GARRE1: variants seen among roughly 807,000 people sequenced by gnomAD.
GARRE1 encodes the protein granule associated Rac and RHOG effector 1.
In GARRE1, 49 loss-of-function variants were observed where a neutral mutation model predicts 103.2. The ratio of observed to expected loss-of-function variants is 0.47; its 90% CI spans 0.38 to 0.60. The LOEUF is 0.60. Among genes scored for constraint, GARRE1 ranks in the 20% least tolerant of loss-of-function variants. The pLI, the probability that GARRE1 is intolerant of heterozygous loss-of-function variation, is 0.00. For missense variants in GARRE1, 1,199 were observed against 1,370.5 expected, an observed-to-expected ratio of 0.87 and a Z score of 1.98; for synonymous variants, 505 against 532.8, an observed-to-expected ratio of 0.95 and a Z score of 0.72.
In GARRE1 at chr19:34,352,742, A is replaced by G. The variant is rs1308157064; in HGVS notation, c.3000A>G (p.Ala1000=). The G allele has an allele frequency of 6.2e-7, 1 of 1,613,984 alleles. No individual in the cohort carries two copies. The highest frequency in any genetic ancestry group is 1.3e-5 in the African/African-American group (1 of 74,912). Residue 1000 remains alanine, a synonymous_variant, in exon 14 of 14, where the codon GCA becomes GCG. Transcript: ENST00000299505. ...CCAGCCCCAGCGCACCACTCTATGC[A>G]GTCACCAGCCCTGGCAGCCAGTGGA... The part of the protein sequence containing the change: ...TLPSPSAPLY[A]VTSPGSQWND...
At chr19:34,314,952 A>C (rs1404606962) in intron 2 of GARRE1, among the ~76,000 whole-genome samples, 1 of 152,230 alleles carries the variant, frequency 6.6e-6, no homozygotes, top group Non-Finnish European at 1.5e-5. Flanking sequence ...AGAACAAAAG[A>C]TACCTCATTA....
chr19:34,268,560 T>G (rs547209603), intron 1 of GARRE1, among the ~76,000 whole-genome samples: 11 of 152,330 alleles, frequency 7.2e-5, no homozygotes, highest in African/African-American at 2.2e-4. Context: ...AGAGTACAGT[T>G]AAGTCCATTT....
chr19:34,287,130 C>T (rs1417562661), intron 1 of GARRE1, among the ~76,000 whole-genome samples: 1 of 116,684 alleles, frequency 8.6e-6, no homozygotes, highest in Non-Finnish European at 1.9e-5. Context: ...CAGAGCAAGA[C>T]TGTCTCAAAA....
chr19:34,313,156 T>G (rs940436676), intron 2 of GARRE1, among the ~76,000 whole-genome samples: 4 of 152,160 alleles, frequency 2.6e-5, no homozygotes, highest in Non-Finnish European at 5.9e-5. Context: ...AATCTGGAGT[T>G]GAGGGTTGAG....
At chr19:34,339,407 C>T (rs1038280082) in intron 8 of GARRE1, among the ~76,000 whole-genome samples, 12 of 152,174 alleles carry the variant, frequency 7.9e-5, no homozygotes, top group African/African-American at 2.9e-4. Flanking sequence ...AGGTGCATAG[C>T]GTGAAGTGTT....
intron 3 of GARRE1, among the ~76,000 whole-genome samples, chr19:34,322,922 AAC>A (rs2074095922): frequency 6.6e-6 from 1 of 152,092 alleles, no homozygotes; most frequent in South Asian, 2.1e-4. Flanking sequence ...CCAGCAGGCA[AAC>A]ACAGATTAAA....
intron 1 of GARRE1, among the ~76,000 whole-genome samples, chr19:34,297,835 T>G (rs1195020752): frequency 6.6e-6 from 1 of 152,162 alleles, no homozygotes; most frequent in Non-Finnish European, 1.5e-5. Flanking sequence ...GTTTATGAGA[T>G]TTTTTTTAAA....
chr19:34,298,315 G>C (rs2073958024), intron 1 of GARRE1, among the ~76,000 whole-genome samples: 1 of 151,970 alleles, frequency 6.6e-6, no homozygotes, highest in African/African-American at 2.4e-5. Flanking sequence ...TCCGGAGACT[G>C]AGGCAGGAGG....
At chr19:34,282,416 C>G (rs2073860906) in intron 1 of GARRE1, among the ~76,000 whole-genome samples, 1 of 152,226 alleles carries the variant, frequency 6.6e-6, no homozygotes, top group Non-Finnish European at 1.5e-5. Flanking sequence ...TCCCAAAGTG[C>G]TCGGATTACA....
chr19:34,279,338 C>T (rs139743048), intron 1 of GARRE1, among the ~76,000 whole-genome samples: 4 of 152,162 alleles, frequency 2.6e-5, no homozygotes, highest in East Asian at 3.9e-4. Flanking sequence ...TCTCGCTCTC[C>T]GTCCCAGGCT....
chr19:34,313,855 C>G (rs956569181), intron 2 of GARRE1, among the ~76,000 whole-genome samples: 1 of 152,116 alleles, frequency 6.6e-6, no homozygotes, highest in African/African-American at 2.4e-5. Context: ...GGCTGGAGTG[C>G]AGTGATGTGA....
In GARRE1 at chr19:34,353,310, G is replaced by T. The variant is rs1221911339; in HGVS notation, c.*355G>T. On this transcript the variant is annotated 3_prime_UTR_variant, in exon 14 of 14. Coordinates refer to ENST00000299505, the MANE Select transcript of GARRE1 (RefSeq NM_014686.5). ...TGGGTTTTTAGTCCTGCTGTGTGTT[G>T]GGAAGACATCAGGCCTGAAAGCTGA... is the stretch of plus-strand genomic sequence containing the variant. 9.9e-6 allele frequency: 3 copies of T among 304,136 alleles called. No homozygotes were observed. Among genetic ancestry groups the T allele is most frequent in the African/African-American group, 6.4e-5 (3 of 47,142 alleles). 18.8% of individuals were successfully genotyped at this position (304,136 alleles called of 1,614,324 possible).
chr19:34,302,961 T>G (rs2073988401), intron 2 of GARRE1, among the ~76,000 whole-genome samples: 1 of 151,966 alleles, frequency 6.6e-6, no homozygotes, highest in Admixed American at 6.5e-5. Flanking sequence ...CCCAGGCTGG[T>G]GTCAAACTCC....
chr19:34,347,847 A>C (rs1568313232), intron 10 of GARRE1, 30 bp from the exon 11 acceptor site: 1 of 1,483,404 alleles, frequency 6.7e-7, no homozygotes, highest in Non-Finnish European at 9.0e-7. Flanking sequence ...TTTGTCCCCA[A>C]ACCCGGTTTA....
At chr19:34,273,229 CAT>C (rs1268406087) in intron 1 of GARRE1, among the ~76,000 whole-genome samples, 1 of 152,108 alleles carries the variant, frequency 6.6e-6, no homozygotes, top group Non-Finnish European at 1.5e-5. Context: ...AATATGATAA[CAT>C]GTGAAGTGCA....
intron 1 of GARRE1, among the ~76,000 whole-genome samples, chr19:34,268,356 G>A (rs1281489242): frequency 6.6e-6 from 1 of 152,128 alleles, no homozygotes; most frequent in Non-Finnish European, 1.5e-5. Flanking sequence ...TTTCCTTGGC[G>A]GGGATTTGCC....
intron 1 of GARRE1, among the ~76,000 whole-genome samples, chr19:34,271,245 C>CTTTTTTTTTTTTTTT (rs1199086211): frequency 9.5e-6 from 1 of 105,662 alleles, no homozygotes; most frequent in Non-Finnish European, 2.0e-5. Context: ...TGTGCACTTT[C>CTTTTTTTTTTTTTTT]TTTTTTTTTT....
rs774401718 is a variant in GARRE1, at chr19:34,300,985, G to A, written c.495+17G>A. 6.3e-7 allele frequency: 1 copy of A among 1,582,274 alleles called. No homozygotes were observed. Among genetic ancestry groups the A allele is most frequent in the South Asian group, 1.1e-5 (1 of 89,254 alleles). On this transcript the variant is annotated intron_variant, in intron 2 of 13. Transcript: ENST00000299505. ...GACATTGAGGTAGAGTATCTTTTGT[G>A]TCATACTTGTGTAGGAAAATATACT...
intron 1 of GARRE1, among the ~76,000 whole-genome samples, chr19:34,263,412 G>A (rs1333890300): frequency 1.3e-5 from 2 of 151,916 alleles, no homozygotes; most frequent in South Asian, 2.1e-4. Flanking sequence ...GGCTGAGTTA[G>A]CTTTTTCTTT....
Sources: gnomAD v4.1 joint callset for allele counts (sites outside exome capture counted in the v4.1 genomes callset) on GRCh38, gnomAD v4.1.1 for gene constraint, MANE v1.5 for transcripts, NCBI Gene and HGNC (gene_info 2026-07-23, HGNC 2026-07-21) for gene names.